Variants in SLC25A48 observed in about 807,000 individuals in gnomAD.
The protein encoded by SLC25A48 is solute carrier family 25 member 48.
SLC25A48 carries 29 observed loss-of-function variants against 32.2 expected under a neutral mutation model. The ratio of observed to expected loss-of-function variants is 0.90; its 90% confidence interval spans 0.67 to 1.23. The LOEUF (loss-of-function observed/expected upper bound fraction) is 1.23. Ranked by LOEUF, SLC25A48 falls within the 50% of genes most tolerant of loss-of-function variation. SLC25A48 has a pLI of 0.00. For missense variants in SLC25A48, 399 were observed against 422.7 expected (o/e 0.94, Z 0.49); for synonymous variants, 164 against 172.3 (o/e 0.95, Z 0.38).
At chr5:135,760,650 G>A (rs1325132072) in intron 3 of SLC25A48, among the ~76,000 whole-genome samples, 6 of 152,186 alleles carry the variant, frequency 3.9e-5, no homozygotes, top group African/African-American at 2.4e-5. Context: ...TGCCATGAAA[G>A]TCTGCCATCC....
At chr5:135,689,886 T>TTTTATACAAAAATGC (rs1741251882) in intron 3 of SLC25A48, among the ~76,000 whole-genome samples, 1 of 152,242 alleles carries the variant, frequency 6.6e-6, no homozygotes, top group African/African-American at 2.4e-5. Context: ...TTCCAGGTTA[T>TTTTATACAAAAATGC]TTTATACAAA....
chr5:135,778,757 G>T (rs372997192), intron 3 of SLC25A48, among the ~76,000 whole-genome samples: 2 of 308 alleles, frequency 6.5e-3, no homozygotes, highest in East Asian at 0.11. Context: ...TGCAGGGGAT[G>T]TGCACCCCTC....
chr5:135,806,149 T>G (rs889378875), intron 3 of SLC25A48, among the ~76,000 whole-genome samples: 1 of 151,674 alleles, frequency 6.6e-6, no homozygotes, highest in African/African-American at 2.4e-5. Flanking sequence ...TCACTCCTAG[T>G]ATTTCAGTGG....
intron 1 of SLC25A48, among the ~76,000 whole-genome samples, chr5:135,614,941 CCTG>C (rs1752152916): frequency 6.6e-6 from 1 of 152,158 alleles, no homozygotes; most frequent in Admixed American, 6.5e-5. Context: ...GTCTCTTCCT[CCTG>C]CTTCAGCCAT....
intron 3 of SLC25A48, among the ~76,000 whole-genome samples, chr5:135,756,535 G>A (rs1304899743): frequency 6.6e-6 from 1 of 152,072 alleles, no homozygotes; most frequent in East Asian, 1.9e-4. Context: ...TCTGGGCGTG[G>A]TGGTGCGTGC....
chr5:135,710,342 C>T (rs765553345), intron 3 of SLC25A48, among the ~76,000 whole-genome samples: 5 of 152,162 alleles, frequency 3.3e-5, no homozygotes, highest in African/African-American at 7.2e-5. Context: ...AGGGGTGAGA[C>T]GGCTCCAGCT....
intron 3 of SLC25A48, among the ~76,000 whole-genome samples, chr5:135,785,900 G>A (rs551401838): frequency 1.3e-5 from 2 of 150,316 alleles, no homozygotes; most frequent in Non-Finnish European, 3.0e-5. Flanking sequence ...ACCATGGGGC[G>A]GGGTGTAGAG....
chr5:135,874,827 C>G, intron 6 of SLC25A48: 1 of 558,422 alleles, frequency 1.8e-6, no homozygotes, highest in Non-Finnish European at 3.2e-6. Context: ...ATTCATCACC[C>G]TCCGCAGGAA....
chr5:135,677,045 A>C (rs970250391), intron 3 of SLC25A48, among the ~76,000 whole-genome samples: 1 of 152,016 alleles, frequency 6.6e-6, no homozygotes, highest in Admixed American at 6.5e-5. Flanking sequence ...TAATGCTAAT[A>C]GTAGAGGGCT....
intron 4 of SLC25A48, among the ~76,000 whole-genome samples, chr5:135,860,439 T>G (rs1253852929): frequency 6.6e-6 from 1 of 152,238 alleles, no homozygotes; most frequent in Non-Finnish European, 1.5e-5. Flanking sequence ...TGGTGGGGAC[T>G]GTGGCAAGCT....
At chr5:135,844,842 A>T (rs546162262) in intron 2 of SLC25A48, among the ~76,000 whole-genome samples, 1 of 152,318 alleles carries the variant, frequency 6.6e-6, no homozygotes, top group East Asian at 1.9e-4. Flanking sequence ...AGCATTCTCC[A>T]AGTGGCATGC....
chr5:135,726,002 G>C (rs1243519004), intron 3 of SLC25A48, among the ~76,000 whole-genome samples: 1 of 152,186 alleles, frequency 6.6e-6, no homozygotes, highest in Non-Finnish European at 1.5e-5. Context: ...CTACTTATTG[G>C]CTGGTTGCTG....
At chr5:135,795,670 G>T (rs1757150485) in intron 3 of SLC25A48, among the ~76,000 whole-genome samples, 1 of 151,670 alleles carries the variant, frequency 6.6e-6, no homozygotes, top group South Asian at 2.1e-4. Context: ...TAATATTCAG[G>T]GGGGTAGAGG....
In SLC25A48 at chr5:135,799,822, T is replaced by C. The variant is rs1757277379; in HGVS notation, c.-520-12701T>C. 2.0e-5 allele frequency among the ~76,000 whole-genome samples: 3 copies of C among 151,822 alleles called. No homozygotes were observed. The South Asian group carries it at 6.2e-4, about 32-fold the overall frequency. On this transcript the variant is annotated intron_variant, in intron 3 of 10. Transcript: ENST00000646290. ...CAGTAGTGGAGAGGATGGCATTACT[T>C]ACAATATCGCAAAGAGTGTACAACC...
chr5:135,808,623 C>T (rs757226148), intron 3 of SLC25A48, among the ~76,000 whole-genome samples: 3 of 151,978 alleles, frequency 2.0e-5, no homozygotes, highest in South Asian at 2.1e-4. Flanking sequence ...TTGTGGACAT[C>T]GAGAGGACCA....
intron 4 of SLC25A48, among the ~76,000 whole-genome samples, chr5:135,854,104 G>A (rs919465118): frequency 6.6e-6 from 1 of 152,170 alleles, no homozygotes; most frequent in African/African-American, 2.4e-5. Flanking sequence ...AAATACTCAG[G>A]AAACCATGCT....
At chr5:135,605,554 T>C (rs1194799557) in intron 1 of SLC25A48, among the ~76,000 whole-genome samples, 1 of 152,244 alleles carries the variant, frequency 6.6e-6, no homozygotes, top group Admixed American at 6.5e-5. Flanking sequence ...ATGGACACTC[T>C]TGATTTAGCT....
intron 1 of SLC25A48, among the ~76,000 whole-genome samples, chr5:135,606,675 C>T (rs973462838): frequency 1.3e-5 from 2 of 152,274 alleles, no homozygotes; most frequent in African/African-American, 2.4e-5. Context: ...CATTGTCATC[C>T]CTGGCACACA....
chr5:135,694,064 C>T (rs1754210719), intron 3 of SLC25A48, among the ~76,000 whole-genome samples: 1 of 152,170 alleles, frequency 6.6e-6, no homozygotes, highest in Non-Finnish European at 1.5e-5. Context: ...CCTTTTCCAC[C>T]CTGCCAGGGG....
Sources: gnomAD v4.1 joint callset for allele counts (sites outside exome capture counted in the v4.1 genomes callset) on GRCh38, gnomAD v4.1.1 for gene constraint, MANE v1.5 for transcripts, NCBI Gene and HGNC (gene_info 2026-07-23, HGNC 2026-07-21) for gene names.